The following PEPD variants were observed in gnomAD, a reference collection of about 807,000 sequenced individuals.
PEPD encodes the protein peptidase D.
In PEPD, 53 loss-of-function variants were observed where a neutral mutation model predicts 60.7. That is an observed-to-expected ratio of 0.87 (90% CI 0.70 to 1.10). The LOEUF is 1.10. PEPD is among the 50% of genes least tolerant of loss of function. The probability of loss-of-function intolerance (pLI) is 0.00; values close to 1 mark genes in which losing one functional copy is unlikely to be tolerated. For synonymous variants in PEPD, 267 were observed against 284.1 expected, an observed-to-expected ratio of 0.94 and a Z score of 0.60; for missense variants, 711 against 711.9, an observed-to-expected ratio of 1.00 and a Z score of 0.01.
chr19:33,414,500 C>A (rs904027911), intron 9 of PEPD, among the ~76,000 whole-genome samples: 1 of 152,174 alleles, frequency 6.6e-6, no homozygotes, highest in African/African-American at 2.4e-5. Flanking sequence ...GCTGCCCTCA[C>A]CCCCTCCCTG....
At chr19:33,485,921 G>A (rs1486954503) in intron 6 of PEPD, among the ~76,000 whole-genome samples, 1 of 74,434 alleles carries the variant, frequency 1.3e-5, no homozygotes, top group Non-Finnish European at 3.0e-5. Flanking sequence ...TACAGCTTCT[G>A]TCTGTCTGGG....
chr19:33,494,353 A>G (rs1457374149), intron 4 of PEPD, among the ~76,000 whole-genome samples: 1 of 152,224 alleles, frequency 6.6e-6, no homozygotes, highest in Non-Finnish European at 1.5e-5. Flanking sequence ...GACATACTCT[A>G]TGCTGCCTGT....
chr19:33,484,976 T>C (rs1970370852), intron 6 of PEPD, among the ~76,000 whole-genome samples: 2 of 152,068 alleles, frequency 1.3e-5, no homozygotes, highest in Non-Finnish European at 1.5e-5. Flanking sequence ...CCTGTGAGGG[T>C]AGGCGTGCCC....
At chr19:33,437,453 G>A (rs1257437238) in intron 9 of PEPD, among the ~76,000 whole-genome samples, 1 of 151,558 alleles carries the variant, frequency 6.6e-6, no homozygotes, top group Non-Finnish European at 1.5e-5. Context: ...CAGACAGGGC[G>A]CCTGGAGGAG....
chr19:33,469,341 C>G (rs1373395175), intron 7 of PEPD, among the ~76,000 whole-genome samples: 1 of 152,212 alleles, frequency 6.6e-6, no homozygotes, highest in Non-Finnish European at 1.5e-5. Flanking sequence ...AAGCCCCAGT[C>G]ACCTCAGCGA....
chr19:33,404,516 T>C (rs1434426075), intron 11 of PEPD, among the ~76,000 whole-genome samples: 1 of 152,092 alleles, frequency 6.6e-6, no homozygotes, highest in Non-Finnish European at 1.5e-5. Flanking sequence ...AATGAAATCA[T>C]CTAGGAATGT....
chr19:33,493,234 A>C, intron 5 of PEPD, 56 bp downstream of exon 5: 1 of 1,322,772 alleles, frequency 7.6e-7, no homozygotes, highest in South Asian at 1.2e-5. Flanking sequence ...GGTGGCCCCC[A>C]TAAAAACCCT....
chr19:33,521,623 G>A (rs1052365796), intron 1 of PEPD, 121 bp downstream of exon 1: 1 of 1,110,922 alleles, frequency 9.0e-7, no homozygotes, highest in African/African-American at 1.5e-5. Context: ...GGGCCAACGG[G>A]AAGAGGCGCC....
intron 9 of PEPD, among the ~76,000 whole-genome samples, chr19:33,449,729 C>T (rs974179345): frequency 2.1e-5 from 3 of 146,062 alleles, no homozygotes; most frequent in Non-Finnish European, 3.0e-5. Flanking sequence ...CATAGACTAT[C>T]GCAGGTGCTC....
Position 33,467,475 on chromosome 19 carries a change from G to A in PEPD, c.549-3413C>T, listed in dbSNP as rs186897829. On this transcript the variant is annotated intron_variant, in intron 7 of 14. Transcript: ENST00000244137. ...GCAACAGAAGTCGGGAGGTAAAGACGGGTTGGAGAAAAGATGTGTAGAGAG... is the reference window on the plus strand; with the variant it reads ...GCAACAGAAGTCGGGAGGTAAAGACAGGTTGGAGAAAAGATGTGTAGAGAG... Among the ~76,000 whole-genome samples, 157 of 152,278 alleles carry A rather than the reference G, an allele frequency of 1.0e-3. 2 individuals carry two copies. Among genetic ancestry groups the A allele is most frequent in the Admixed American group, 9.0e-3 (138 of 15,296 alleles).
chr19:33,434,890 G>C (rs1000337386), intron 9 of PEPD, among the ~76,000 whole-genome samples: 18 of 151,850 alleles, frequency 1.2e-4, no homozygotes, highest in African/African-American at 3.6e-4. Context: ...GACTGAGACA[G>C]GGCACTCAGG....
At chr19:33,484,740 A>T (rs1472542277) in intron 6 of PEPD, among the ~76,000 whole-genome samples, 2 of 152,148 alleles carry the variant, frequency 1.3e-5, no homozygotes, top group Admixed American at 1.3e-4. Context: ...ACAGACACAG[A>T]TCAATGTGTA....
chr19:33,387,938 G>T lies in PEPD; in HGVS notation c.1296C>A (p.Ala432=). ...LDEALADPAR[A]SFLNREVLQR... ...GCAGGACCTCGCGGTTAAGGAAGGA[G>T]GCGCGGGCCGGGTCCGCCAGGGCCT... The change falls in exon 14 of 15, where the codon GCC becomes GCA. Residue 432 remains alanine (A), a synonymous_variant. Transcript: ENST00000244137. The T allele has an allele frequency of 6.3e-7, 1 of 1,597,130 alleles. No individual in the cohort carries two copies. Among genetic ancestry groups the T allele is most frequent in the Non-Finnish European group, 8.5e-7 (1 of 1,172,618 alleles).
At chr19:33,454,227 GC>G (rs1214171140) in intron 9 of PEPD, among the ~76,000 whole-genome samples, 1 of 152,188 alleles carries the variant, frequency 6.6e-6, no homozygotes, top group Non-Finnish European at 1.5e-5. Flanking sequence ...AGCCCTCGAT[GC>G]CCAAAGCTGG....
At chr19:33,390,009 C>T (rs570770484) in intron 13 of PEPD, among the ~76,000 whole-genome samples, 16 of 152,382 alleles carry the variant, frequency 1.0e-4, no homozygotes, top group Admixed American at 7.8e-4. Context: ...CTGCCCTCAC[C>T]GCGCCCATGC....
At chr19:33,439,637 G>A (rs1969447282) in intron 9 of PEPD, among the ~76,000 whole-genome samples, 1 of 152,144 alleles carries the variant, frequency 6.6e-6, no homozygotes, top group Admixed American at 6.5e-5. Context: ...ACCCCAGGTG[G>A]GAAGGATCCG....
At chr19:33,473,762 T>C (rs1970168215) in intron 7 of PEPD, among the ~76,000 whole-genome samples, 1 of 152,226 alleles carries the variant, frequency 6.6e-6, no homozygotes, top group Admixed American at 6.5e-5. Context: ...CCTGCTCTTT[T>C]GAAGTTTCAA....
intron 4 of PEPD, among the ~76,000 whole-genome samples, chr19:33,498,055 G>A (rs537789566): frequency 3.3e-5 from 5 of 151,998 alleles, no homozygotes; most frequent in South Asian, 4.2e-4. Context: ...TCCCTGCCCC[G>A]CTGTGTCCCT....
At chr19:33,508,901 A>G (rs1247259785) in intron 3 of PEPD, among the ~76,000 whole-genome samples, 1 of 152,172 alleles carries the variant, frequency 6.6e-6, no homozygotes, top group East Asian at 1.9e-4. Flanking sequence ...AGTGTCAGAG[A>G]TACAGTGGCC....
Sources: gnomAD v4.1 joint callset for allele counts (sites outside exome capture counted in the v4.1 genomes callset) on GRCh38, gnomAD v4.1.1 for gene constraint, MANE v1.5 for transcripts, NCBI Gene and HGNC (gene_info 2026-07-23, HGNC 2026-07-21) for gene names.